The following CUX1 variants were observed in gnomAD, a reference collection of about 807,000 sequenced individuals.
The protein encoded by CUX1 is protein CASP.
In CUX1, 31 loss-of-function variants were observed where a neutral mutation model predicts 158.8. The ratio of observed to expected loss-of-function variants is 0.20; its 90% confidence interval spans 0.15 to 0.26. CUX1 has a LOEUF of 0.26. Ranked by LOEUF, CUX1 falls within the 10% of genes least tolerant of loss-of-function variation. The pLI, the probability that CUX1 is intolerant of heterozygous loss-of-function variation, is 1.00. For missense variants in CUX1, 1,589 were observed against 2,014.6 expected (o/e 0.79, Z 4.04); for synonymous variants, 879 against 862.1 (o/e 1.02, Z -0.34).
intron 3 of CUX1, among the ~76,000 whole-genome samples, chr7:102,064,287 C>T (rs1322851347): frequency 1.3e-5 from 2 of 152,008 alleles, no homozygotes; most frequent in South Asian, 2.1e-4. Context: ...TGGGCTCAAG[C>T]GACTCTCCCA....
chr7:101,965,182 T>C (rs1811016023), intron 2 of CUX1, among the ~76,000 whole-genome samples: 1 of 152,166 alleles, frequency 6.6e-6, no homozygotes, highest in Non-Finnish European at 1.5e-5. Flanking sequence ...GAGTCGTGCC[T>C]CTTCCCTAAC....
At chr7:102,263,570 C>G (rs1333482503) in intron 14 of CUX1, among the ~76,000 whole-genome samples, 1 of 152,090 alleles carries the variant, frequency 6.6e-6, no homozygotes, top group African/African-American at 2.4e-5. Flanking sequence ...CCCGCTTCAG[C>G]CTCCCATAGT....
At chr7:102,090,851 A>G (rs1828511751) in intron 4 of CUX1, among the ~76,000 whole-genome samples, 1 of 152,252 alleles carries the variant, frequency 6.6e-6, no homozygotes, top group Admixed American at 6.5e-5. Context: ...CAATTTTCTT[A>G]AGTTAATCCT....
At chr7:102,212,491 GC>G (rs1796644844) in intron 20 of CUX1, among the ~76,000 whole-genome samples, 1 of 152,168 alleles carries the variant, frequency 6.6e-6, no homozygotes, top group Admixed American at 6.5e-5. Context: ...GGAAGTCATA[GC>G]CCAGAGTCAC....
chr7:102,100,417 C>G (rs1829653134), intron 5 of CUX1, among the ~76,000 whole-genome samples: 1 of 152,178 alleles, frequency 6.6e-6, no homozygotes, highest in Non-Finnish European at 1.5e-5. Context: ...CTGATACTTA[C>G]CAGGTAGGGT....
At chr7:102,268,170 T>G (rs1790945530) in intron 14 of CUX1, among the ~76,000 whole-genome samples, 3 of 152,152 alleles carry the variant, frequency 2.0e-5, no homozygotes, top group Admixed American at 2.0e-4. Flanking sequence ...ACCCGTCGCC[T>G]GTCATCCCTC....
intron 2 of CUX1, among the ~76,000 whole-genome samples, chr7:101,953,492 T>G (rs936327588): frequency 6.6e-6 from 1 of 152,180 alleles, no homozygotes; most frequent in African/African-American, 2.4e-5. Context: ...AAGGTATTTG[T>G]GGCAGCTCTT....
chr7:102,256,610 A>C lies in CUX1; in HGVS notation c.*7568A>C. ...TCTAACTTTTTAAATGAGAGTGTTTATGAACAAAAAAATTTACCAACGTGT... is the reference window on the plus strand; with the variant it reads ...TCTAACTTTTTAAATGAGAGTGTTTCTGAACAAAAAAATTTACCAACGTGT... On this transcript the variant is annotated 3_prime_UTR_variant, in exon 24 of 24. Transcript: ENST00000292535. The C allele has an allele frequency of 1.0e-6, 1 of 985,424 alleles. No individual in the cohort carries two copies. Among genetic ancestry groups the C allele is most frequent in the Non-Finnish European group, 1.2e-6 (1 of 829,934 alleles). 61.0% of individuals were successfully genotyped at this position (985,424 alleles called of 1,614,324 possible). A position where few individuals can be genotyped will look rare whatever the true frequency, so the allele number is the denominator to read the frequency against.
At chr7:101,895,896 TTTTTTGTTTTTG>T (rs1277832580) in intron 1 of CUX1, among the ~76,000 whole-genome samples, 4 of 67,800 alleles carry the variant, frequency 5.9e-5, no homozygotes, top group African/African-American at 2.2e-4. Context: ...GTAAAGTTTT[TTTTTTGTTTTTG>T]TTTTTTTTTT....
intron 20 of CUX1, among the ~76,000 whole-genome samples, chr7:102,226,422 C>G (rs781889815): frequency 1.3e-5 from 2 of 152,182 alleles, no homozygotes; most frequent in Non-Finnish European, 2.9e-5. Flanking sequence ...GTGGAGTTCT[C>G]TGCTCTTCAC....
intron 2 of CUX1, among the ~76,000 whole-genome samples, chr7:101,974,919 A>T (rs1194621741): frequency 6.6e-6 from 1 of 152,164 alleles, no homozygotes; most frequent in Non-Finnish European, 1.5e-5. Flanking sequence ...TGGGTCAGAA[A>T]GATGTCCATG....
intron 2 of CUX1, among the ~76,000 whole-genome samples, chr7:101,970,087 G>A (rs1327041148): frequency 6.6e-6 from 1 of 151,812 alleles, no homozygotes; most frequent in African/African-American, 2.4e-5. Context: ...TTGTATTTGG[G>A]TTTCAAATGT....
intron 1 of CUX1, among the ~76,000 whole-genome samples, chr7:101,872,174 C>A (rs1798637514): frequency 6.6e-6 from 1 of 152,108 alleles, no homozygotes; most frequent in Non-Finnish European, 1.5e-5. Flanking sequence ...CTCTCTGTTG[C>A]CCAGTTTGGA....
intron 1 of CUX1, among the ~76,000 whole-genome samples, chr7:101,829,556 G>A (rs1793751462): frequency 6.6e-6 from 1 of 152,038 alleles, no homozygotes; most frequent in Non-Finnish European, 1.5e-5. Flanking sequence ...CTGTTCCCTA[G>A]ACAACCCTCA....
intron 1 of CUX1, among the ~76,000 whole-genome samples, chr7:101,889,971 AC>A (rs1210799532): frequency 6.6e-6 from 1 of 152,184 alleles, no homozygotes; most frequent in Non-Finnish European, 1.5e-5. Context: ...ACTACGGGGT[AC>A]CAGGGTCTTT....
chr7:101,821,168 G>C (rs1792432393), intron 1 of CUX1, among the ~76,000 whole-genome samples: 1 of 152,040 alleles, frequency 6.6e-6, no homozygotes, highest in Admixed American at 6.6e-5. Flanking sequence ...TTTCTGACTT[G>C]ATGAACCTTG....
chr7:101,967,985 C>T (rs907152300), intron 2 of CUX1, among the ~76,000 whole-genome samples: 14 of 152,040 alleles, frequency 9.2e-5, no homozygotes, highest in African/African-American at 2.7e-4. Flanking sequence ...CTGCCTGCAG[C>T]CTCAACCTCC....
At chr7:102,080,425 G>A (rs1465116251) in intron 4 of CUX1, among the ~76,000 whole-genome samples, 12 of 152,194 alleles carry the variant, frequency 7.9e-5, no homozygotes, top group Middle Eastern at 3.4e-3. Context: ...TTATGTAATC[G>A]TATGATTACA....
chr7:102,266,677 A>G (rs1554545160), intron 14 of CUX1, among the ~76,000 whole-genome samples: 3 of 152,080 alleles, frequency 2.0e-5, no homozygotes, highest in South Asian at 2.1e-4. Context: ...AGGGCAGAGC[A>G]GCCAGCCGGG....
Sources: gnomAD v4.1 joint callset for allele counts (sites outside exome capture counted in the v4.1 genomes callset) on GRCh38, gnomAD v4.1.1 for gene constraint, MANE v1.5 for transcripts, NCBI Gene and HGNC (gene_info 2026-07-23, HGNC 2026-07-21) for gene names.